The following NUFIP1 variants were observed in gnomAD, a reference collection of about 807,000 sequenced individuals.
NUFIP1 encodes nuclear FMR1 interacting protein 1.
In NUFIP1, 38 loss-of-function variants were observed where a neutral mutation model predicts 56.2. The observed-to-expected ratio is 0.68, with a 90% CI of 0.52 to 0.89. The LOEUF (loss-of-function observed/expected upper bound fraction) is 0.89. Ranked by LOEUF, NUFIP1 falls within the 40% of genes least tolerant of loss-of-function variation. NUFIP1 has a pLI of 0.00. For missense variants in NUFIP1, 567 were observed against 605.8 expected, an observed-to-expected ratio of 0.94 and a Z score of 0.67; for synonymous variants, 215 against 212.4, an observed-to-expected ratio of 1.01 and a Z score of -0.10.
At chr13:44,956,529 T>C (rs1871249129) in intron 7 of NUFIP1, among the ~76,000 whole-genome samples, 1 of 152,188 alleles carries the variant, frequency 6.6e-6, no homozygotes, top group Non-Finnish European at 1.5e-5. Flanking sequence ...TAATGTAGAA[T>C]CAGTAGGAGC....
intron 6 of NUFIP1, among the ~76,000 whole-genome samples, chr13:44,959,792 A>G (rs1268029114): frequency 6.6e-6 from 1 of 151,906 alleles, no homozygotes; most frequent in Admixed American, 6.6e-5. Flanking sequence ...AATATACCAC[A>G]CCTTCTTGAT....
chr13:44,983,761 C>T (rs1353629648), intron 1 of NUFIP1, among the ~76,000 whole-genome samples: 1 of 152,126 alleles, frequency 6.6e-6, no homozygotes, highest in Non-Finnish European at 1.5e-5. Context: ...TGTGCCACTG[C>T]ACTCCAGCCT....
chr13:44,959,987 A>G (rs1186224866), intron 6 of NUFIP1, among the ~76,000 whole-genome samples: 1 of 149,564 alleles, frequency 6.7e-6, no homozygotes, highest in Admixed American at 6.7e-5. Flanking sequence ...GCTGGAGTGC[A>G]GTAGCATGAT....
In NUFIP1 at chr13:44,979,832, A is replaced by G. The variant is rs566108586; in HGVS notation, c.657+58T>C. The G allele has an allele frequency of 2.0e-5, 25 of 1,232,626 alleles. 1 individual carries two copies. The South Asian group carries it at 3.0e-4, about 15-fold the overall frequency. The allele number at this position is 1,232,626 out of a possible 1,614,324, so 76.4% of individuals were successfully genotyped here. A position where few individuals can be genotyped will look rare whatever the true frequency, so the allele number is the denominator to read the frequency against. On this transcript the variant is annotated intron_variant, in intron 4 of 9. Transcript: ENST00000379161. ...GGTATATAAATAAACAGTTGTGAAG[A>G]TAACAGATCAATAAAAAGAGCATGT... is the stretch of plus-strand genomic sequence containing the variant.
chr13:44,966,997 A>G (rs1242431436), intron 5 of NUFIP1, among the ~76,000 whole-genome samples: 1 of 151,570 alleles, frequency 6.6e-6, no homozygotes, highest in Non-Finnish European at 1.5e-5. Flanking sequence ...TAAATAAATA[A>G]ATAAAATAAA....
intron 7 of NUFIP1, among the ~76,000 whole-genome samples, chr13:44,955,915 G>A (rs1333142125): frequency 6.6e-6 from 1 of 151,566 alleles, no homozygotes; most frequent in African/African-American, 2.4e-5. Context: ...AGGCCGAGGC[G>A]GGTGGATCAC....
At chr13:44,987,916 A>G (rs942805356) in intron 1 of NUFIP1, among the ~76,000 whole-genome samples, 1 of 152,092 alleles carries the variant, frequency 6.6e-6, no homozygotes, top group African/African-American at 2.4e-5. Flanking sequence ...CTCCTCCCCC[A>G]TCTTCTACAA....
At chr13:44,945,548 G>C (rs982892362) in intron 8 of NUFIP1, among the ~76,000 whole-genome samples, 1 of 151,926 alleles carries the variant, frequency 6.6e-6, no homozygotes, top group Non-Finnish European at 1.5e-5. Flanking sequence ...TATCCCTCAT[G>C]AACATGTATG....
rs766174487 is a variant in NUFIP1 at position 44,943,667 on chromosome 13, G to A, written c.1146C>T (p.Pro382=). The part of the protein sequence containing the change: ...SGSESEPEET[P]IKTEADVLAE... ...CCAAAACGTCTGCTTCAGTCTTGAT[G>A]GGAGTTTCTAAGTGTGATGAAAAAC... Residue 382 remains proline (P), a synonymous_variant, in exon 9 of 10, where the codon CCC becomes CCT. Transcript: ENST00000379161. 39 of 1,609,226 alleles carry A rather than the reference G, an allele frequency of 2.4e-5. No homozygotes were observed. The Admixed American group carries it at 2.7e-4, about 11-fold the overall frequency.
At position 44,940,203 on chromosome 13, in the gene NUFIP1, T is replaced by C. The variant is rs1870685947; in HGVS notation, c.*1003A>G. ...TAGGGTGAAACAGAATAAACAGATC[T>C]GTATGGTGGGTACAAGGCTGGAAAA... is the stretch of plus-strand genomic sequence containing the variant. On this transcript the variant is annotated 3_prime_UTR_variant, in exon 10 of 10. Coordinates refer to ENST00000379161, the MANE Select transcript of NUFIP1 (RefSeq NM_012345.3). The C allele has an allele frequency of 6.6e-6, 1 of 152,128 alleles. No homozygotes were observed. Among genetic ancestry groups the C allele is most frequent in the African/African-American group, 2.4e-5 (1 of 41,418 alleles). 9.4% of individuals were successfully genotyped at this position (152,128 alleles called of 1,614,324 possible).
intron 5 of NUFIP1, among the ~76,000 whole-genome samples, chr13:44,974,076 A>G (rs1197233059): frequency 1.3e-5 from 2 of 152,252 alleles, no homozygotes; most frequent in African/African-American, 4.8e-5. Flanking sequence ...AGTCATCTAC[A>G]TAACTAAGAA....
At chr13:44,984,643 A>G (rs1409187134) in intron 1 of NUFIP1, among the ~76,000 whole-genome samples, 1 of 152,098 alleles carries the variant, frequency 6.6e-6, no homozygotes, top group Non-Finnish European at 1.5e-5. Flanking sequence ...CTCTATTTAA[A>G]AAAATAAATA....
intron 1 of NUFIP1, among the ~76,000 whole-genome samples, chr13:44,985,700 C>T (rs1872359468): frequency 6.6e-6 from 1 of 152,110 alleles, no homozygotes; most frequent in Non-Finnish European, 1.5e-5. Context: ...TTTATAAATG[C>T]TGTGTATGTT....
In NUFIP1 at chr13:44,989,401, G is replaced by A. The variant is rs1163095655; in HGVS notation, c.36C>T (p.Ile12=). The change falls in exon 1 of 10, where the codon ATC becomes ATT. Residue 12 remains isoleucine (I), a synonymous_variant. Transcript: ENST00000379161. The part of the protein sequence containing the change: ...AEPTSDFETP[I]GWHASPELTP... ...TCAGCTCGGGAGACGCATGCCACCC[G>A]ATAGGAGTCTCGAAATCACTAGTCG... The A allele has an allele frequency of 1.1e-5, 18 of 1,613,498 alleles. No homozygotes were observed. Among genetic ancestry groups the A allele is most frequent in the East Asian group, 2.2e-5 (1 of 44,860 alleles).
chr13:44,955,451 G>C (rs1022647118), intron 7 of NUFIP1, among the ~76,000 whole-genome samples: 1 of 152,220 alleles, frequency 6.6e-6, no homozygotes, highest in Non-Finnish European at 1.5e-5. Flanking sequence ...CTTGAGTCTT[G>C]TTTAAAATGT....
At chr13:44,948,141 CTTT>C (rs61398364) in intron 8 of NUFIP1, among the ~76,000 whole-genome samples, 1 of 120,812 alleles carries the variant, frequency 8.3e-6, no homozygotes, top group African/African-American at 3.5e-5. Context: ...ACTACATTTC[CTTT>C]TTTTTTTTTT....
intron 1 of NUFIP1, among the ~76,000 whole-genome samples, chr13:44,982,723 T>C (rs930275791): frequency 4.0e-5 from 6 of 151,830 alleles, no homozygotes; most frequent in Admixed American, 1.3e-4. Context: ...AATTTGCATA[T>C]GGACCAGGCG....
Position 44,943,441 on chromosome 13 carries a change from C to A in NUFIP1, c.1371+1G>T. The stretch of plus-strand genomic sequence containing the variant: ...TTAGAACCTAAAGAAAAATAATTTA[C>A]CATTTCCAAGAGATATGGATGGTGT... On this transcript the variant is annotated splice_donor_variant, in intron 9 of 9. Coordinates refer to ENST00000379161, the MANE Select transcript of NUFIP1 (RefSeq NM_012345.3). LOFTEE classifies it high-confidence loss of function. The A allele has an allele frequency of 6.2e-7, 1 of 1,610,268 alleles. No homozygotes were observed. The highest frequency in any genetic ancestry group is 8.5e-7 in the Non-Finnish European group (1 of 1,177,592).
chr13:44,988,744 A>G (rs1278835171), intron 1 of NUFIP1, among the ~76,000 whole-genome samples: 1 of 152,208 alleles, frequency 6.6e-6, no homozygotes, highest in Admixed American at 6.5e-5. Flanking sequence ...AGGATTTACA[A>G]TATTATATAA....
Sources: allele counts gnomAD v4.1 joint callset (sites outside exome capture counted in the v4.1 genomes callset), GRCh38; gene constraint gnomAD v4.1.1; transcripts MANE v1.5; gene names NCBI Gene and HGNC (gene_info 2026-07-23, HGNC 2026-07-21).